HIPK2: variants seen among roughly 807,000 people sequenced by gnomAD.
HIPK2 encodes the protein homeodomain interacting protein kinase 2.
Under a neutral mutation model 113.7 loss-of-function variants are expected in HIPK2, and 27 were observed. The ratio of observed to expected loss-of-function variants is 0.24; its 90% confidence interval spans 0.17 to 0.33. The LOEUF (loss-of-function observed/expected upper bound fraction) is 0.33. Among genes scored for constraint, HIPK2 ranks in the 10% least tolerant of loss-of-function variants. The pLI, the probability that HIPK2 is intolerant of heterozygous loss-of-function variation, is 1.00. For synonymous variants in HIPK2, 631 were observed against 642.2 expected, an observed-to-expected ratio of 0.98 and a Z score of 0.26; for missense variants, 1,257 against 1,588.0, an observed-to-expected ratio of 0.79 and a Z score of 3.54.
rs1800607302 is a variant in HIPK2 at position 139,631,323 on chromosome 7, G to A, written c.1228-39C>T. On this transcript the variant is annotated intron_variant, in intron 3 of 14. Coordinates refer to ENST00000406875, the MANE Select transcript of HIPK2 (RefSeq NM_022740.5). This position sits in a 1 kb window ranked among gnomAD's most constrained non-coding sequence, Gnocchi z 4.9. ...TAAGAATGAGGTCAGGGCTTTTCCT[G>A]TCACTATACATATGGTATACTAATG... is the stretch of plus-strand genomic sequence containing the variant. 2 of 1,579,318 alleles carry A rather than the reference G, an allele frequency of 1.3e-6. No individual in the cohort carries two copies. Among genetic ancestry groups the A allele is most frequent in the South Asian group, 2.3e-5 (2 of 86,460 alleles).
At position 139,651,755 on chromosome 7, in the gene HIPK2, C is replaced by T. The variant is rs142074070; in HGVS notation, c.1104-20030G>A. Among the ~76,000 whole-genome samples the T allele has an allele frequency of 4.3e-3, 650 of 152,300 alleles. 5 individuals carry two copies. Among genetic ancestry groups the T allele is most frequent in the African/African-American group, 0.015 (614 of 41,566 alleles). ...AAAAAGGTTTAGCAAACAGCTGCCCCAGAAGGGACTTCTTAGAACTTACAA... is the reference window on the plus strand; with the variant it reads ...AAAAAGGTTTAGCAAACAGCTGCCCTAGAAGGGACTTCTTAGAACTTACAA... On this transcript the variant is annotated intron_variant, in intron 2 of 14. Coordinates refer to ENST00000406875, the MANE Select transcript of HIPK2 (RefSeq NM_022740.5).
chr7:139,603,894 T>C, intron 10 of HIPK2, 187 bp downstream of exon 10: 1 of 200,026 alleles, frequency 5.0e-6, no homozygotes, highest in Non-Finnish European at 8.9e-6. Context: ...TGTATCCTGG[T>C]ATATTATTTA....
intron 2 of HIPK2, among the ~76,000 whole-genome samples, chr7:139,655,137 G>A (rs1801617348): frequency 6.6e-6 from 1 of 152,224 alleles, no homozygotes; most frequent in African/African-American, 2.4e-5. Flanking sequence ...CTGGAGCTGA[G>A]TATTGATGAG....
At chr7:139,660,943 G>A (rs1801846862) in intron 2 of HIPK2, among the ~76,000 whole-genome samples, 1 of 151,230 alleles carries the variant, frequency 6.6e-6, no homozygotes, top group Non-Finnish European at 1.5e-5. Flanking sequence ...CACGCACGTG[G>A]ATGTTCCCAC....
intron 2 of HIPK2, among the ~76,000 whole-genome samples, chr7:139,691,375 C>T (rs1000874278): frequency 2.2e-4 from 34 of 152,278 alleles, no homozygotes; most frequent in Admixed American, 1.6e-3. Flanking sequence ...TTCATATCTG[C>T]GGAGAGAGTG....
intron 2 of HIPK2, among the ~76,000 whole-genome samples, chr7:139,665,472 C>G (rs1319596080): frequency 1.3e-5 from 2 of 152,162 alleles, no homozygotes; most frequent in African/African-American, 4.8e-5. Flanking sequence ...TTTGCTGTGT[C>G]TTCCCCATTT....
chr7:139,665,558 A>ACATCCATCCATCCATCCATC (rs71170908), intron 2 of HIPK2, among the ~76,000 whole-genome samples: 5 of 148,076 alleles, frequency 3.4e-5, no homozygotes, highest in East Asian at 2.0e-4. Context: ...CCTCCTGGCC[A>ACATCCATCCATCCATCCATC]CATCCATCCA....
chr7:139,588,363 A>G (rs1024846605), intron 12 of HIPK2, among the ~76,000 whole-genome samples: 20 of 151,722 alleles, frequency 1.3e-4, no homozygotes, highest in African/African-American at 4.8e-4. Flanking sequence ...AAAAAAACAA[A>G]AAACAATCCT....
chr7:139,713,890 C>A (rs2116932195), intron 2 of HIPK2, among the ~76,000 whole-genome samples: 1 of 152,336 alleles, frequency 6.6e-6, no homozygotes, highest in Middle Eastern at 3.4e-3. Flanking sequence ...GCACTCTCTA[C>A]AGAGAATATG....
chr7:139,657,163 G>A (rs529763919), intron 2 of HIPK2, among the ~76,000 whole-genome samples: 1 of 152,276 alleles, frequency 6.6e-6, no homozygotes, highest in South Asian at 2.1e-4. Flanking sequence ...GAGCCCCCAT[G>A]CCTGGCTTGC....
chr7:139,604,424 G>A (rs910194529), intron 9 of HIPK2, among the ~76,000 whole-genome samples: 1 of 152,170 alleles, frequency 6.6e-6, no homozygotes, highest in Admixed American at 6.5e-5. Flanking sequence ...GCTCACGCCT[G>A]TAATCCTAGC....
At chr7:139,652,539 A>G (rs1474285691) in intron 2 of HIPK2, among the ~76,000 whole-genome samples, 1 of 152,234 alleles carries the variant, frequency 6.6e-6, no homozygotes, top group South Asian at 2.1e-4. Context: ...AGAAATCATG[A>G]ATGTCAGATG....
At chr7:139,739,338 G>A (rs1796032644) in intron 1 of HIPK2, among the ~76,000 whole-genome samples, 4 of 152,166 alleles carry the variant, frequency 2.6e-5, no homozygotes, top group African/African-American at 9.6e-5. Flanking sequence ...CTGTAATCCC[G>A]CATTTTGGGA....
rs551057947 is a variant in HIPK2, at chr7:139,678,466, G to T, written c.1103+37466C>A. On this transcript the variant is annotated intron_variant, in intron 2 of 14. Coordinates refer to ENST00000406875, the MANE Select transcript of HIPK2 (RefSeq NM_022740.5). ...CCCACTGCTAGTTTTTGACAGGTCT[G>T]TCGGAGATCAGATGGTTGCAGATGT... Among the ~76,000 whole-genome samples the T allele has an allele frequency of 1.5e-3, 228 of 152,352 alleles. 1 individual carries two copies. The highest frequency in any genetic ancestry group is 4.7e-3 in the African/African-American group (195 of 41,582).
At chr7:139,646,499 T>TAAA (rs57503855) in intron 2 of HIPK2, among the ~76,000 whole-genome samples, 1 of 119,950 alleles carries the variant, frequency 8.3e-6, no homozygotes, top group South Asian at 2.8e-4. Flanking sequence ...GACCTTGTCT[T>TAAA]AAAAAAAAAA....
At chr7:139,698,991 T>C (rs1794633957) in intron 2 of HIPK2, among the ~76,000 whole-genome samples, 1 of 151,494 alleles carries the variant, frequency 6.6e-6, no homozygotes, top group Non-Finnish European at 1.5e-5. Context: ...GAAACCTGAG[T>C]AGGACCTTGA....
At chr7:139,614,118 C>A (rs187242936) in intron 8 of HIPK2, among the ~76,000 whole-genome samples, 168 bp downstream of exon 8, 10 of 152,244 alleles carry the variant, frequency 6.6e-5, no homozygotes, top group Admixed American at 2.6e-4. Context: ...TCTAGGTTGG[C>A]CACAGTAGGA....
At chr7:139,605,960 T>C (rs1055892697) in intron 9 of HIPK2, among the ~76,000 whole-genome samples, 3 of 152,236 alleles carry the variant, frequency 2.0e-5, no homozygotes, top group Non-Finnish European at 4.4e-5. Flanking sequence ...TTGGAACTCA[T>C]TTCAGAGCTC....
At chr7:139,615,468 G>A (rs1388578745) in intron 7 of HIPK2, among the ~76,000 whole-genome samples, 1 of 152,212 alleles carries the variant, frequency 6.6e-6, no homozygotes, top group Non-Finnish European at 1.5e-5. Context: ...TTCAGAAAAA[G>A]ACATCACTTG....
Sources: gnomAD v4.1 joint callset for allele counts (sites outside exome capture counted in the v4.1 genomes callset) on GRCh38, gnomAD v4.1.1 for gene constraint, Gnocchi (gnomAD v3.1) non-coding constraint, MANE v1.5 for transcripts, NCBI Gene and HGNC (gene_info 2026-07-23, HGNC 2026-07-21) for gene names.